Variants in KCNC2 observed in about 807,000 individuals in gnomAD.
KCNC2 encodes potassium voltage-gated channel subfamily C member 2.
Under a neutral mutation model 44.5 loss-of-function variants are expected in KCNC2, and 21 were observed. The observed-to-expected ratio is 0.47, with a 90% CI of 0.33 to 0.68. The LOEUF (loss-of-function observed/expected upper bound fraction) is 0.68, where lower values mean the gene tolerates loss of function less well. Among genes scored for constraint, KCNC2 ranks in the 30% least tolerant of loss-of-function variants. The probability of loss-of-function intolerance (pLI) is 0.01; values close to 1 mark genes in which losing one functional copy is unlikely to be tolerated. For synonymous variants in KCNC2, 391 were observed against 339.1 expected (o/e 1.15, Z -1.68); for missense variants, 589 against 826.2 (o/e 0.71, Z 3.52).
At position 75,042,499 on chromosome 12, in the gene KCNC2, A is replaced by C. The variant is rs1474011823; in HGVS notation, c.*606T>G. ...TTCAAATAATAAGAAAAAAATGTCA[A>C]GGAGAAAAGTGCCCTCCCTGCCCCA... On this transcript the variant is annotated 3_prime_UTR_variant, in exon 5 of 5. Transcript: ENST00000549446. 5 of 1,437,556 alleles carry C rather than the reference A, an allele frequency of 3.5e-6. No homozygotes were observed. The Admixed American group carries it at 1.3e-4, about 38-fold the overall frequency. 89.1% of individuals were successfully genotyped at this position (1,437,556 alleles called of 1,614,324 possible).
intron 2 of KCNC2, among the ~76,000 whole-genome samples, chr12:75,078,530 G>A (rs1172062298): frequency 6.6e-6 from 1 of 152,042 alleles, no homozygotes; most frequent in Non-Finnish European, 1.5e-5. Context: ...ACATTTATAG[G>A]GAGGCCTTAC....
intron 2 of KCNC2, among the ~76,000 whole-genome samples, chr12:75,091,325 T>C (rs986569784): frequency 7.2e-5 from 11 of 151,740 alleles, no homozygotes; most frequent in Non-Finnish European, 1.0e-4. Context: ...GTAGGACCAA[T>C]ATGTCATTGA....
intron 2 of KCNC2, among the ~76,000 whole-genome samples, chr12:75,190,727 T>C (rs1236644269): frequency 6.6e-6 from 1 of 152,128 alleles, no homozygotes; most frequent in Admixed American, 6.6e-5. Flanking sequence ...ATATATAGCA[T>C]ATTACAAAGA....
intron 2 of KCNC2, among the ~76,000 whole-genome samples, chr12:75,206,448 T>C (rs1192114821): frequency 1.3e-5 from 2 of 152,198 alleles, no homozygotes; most frequent in African/African-American, 2.4e-5. Flanking sequence ...AGGATTAAAG[T>C]TGAGCTGTCA....
In KCNC2 at chr12:75,198,619, A is replaced by AAAAATTAAT. The variant is rs2030977199; in HGVS notation, c.687+8677_687+8678insATTAATTTT. The stretch of plus-strand genomic sequence containing the variant: ...ACTTTTATCTAAAAATTAATACATC[A>AAAAATTAAT]ACATCGGTAAGGAAGTTTGTTACTG... On this transcript the variant is annotated intron_variant, in intron 2 of 4. Transcript: ENST00000549446. 5.3e-5 allele frequency among the ~76,000 whole-genome samples: 8 copies of AAAAATTAAT among 151,978 alleles called. No individual in the cohort carries two copies. The South Asian group carries it at 1.7e-3, about 31-fold the overall frequency.
intron 2 of KCNC2, among the ~76,000 whole-genome samples, chr12:75,067,892 C>CT (rs1488203895): frequency 1.3e-5 from 2 of 151,872 alleles, no homozygotes; most frequent in African/African-American, 2.4e-5. Flanking sequence ...AAAAAACATA[C>CT]TTTTTTTATG....
intron 2 of KCNC2, among the ~76,000 whole-genome samples, chr12:75,161,859 G>A (rs1891146446): frequency 1.3e-5 from 2 of 151,594 alleles, no homozygotes; most frequent in Non-Finnish European, 2.9e-5. Flanking sequence ...AAAAGCAACA[G>A]CAATTAAATA....
At chr12:75,051,948 C>G (rs951298840) in intron 2 of KCNC2, among the ~76,000 whole-genome samples, 1 of 151,714 alleles carries the variant, frequency 6.6e-6, no homozygotes, top group Non-Finnish European at 1.5e-5. Context: ...GGAGAAAAAC[C>G]CAGTAAAGGA....
chr12:75,198,764 A>C (rs2030990751), intron 2 of KCNC2, among the ~76,000 whole-genome samples: 1 of 151,794 alleles, frequency 6.6e-6, no homozygotes, highest in Non-Finnish European at 1.5e-5. Flanking sequence ...CCCATATCTG[A>C]ATTTCTATTC....
chr12:75,169,919 T>C (rs552174371), intron 2 of KCNC2, among the ~76,000 whole-genome samples: 44 of 151,792 alleles, frequency 2.9e-4, no homozygotes, highest in African/African-American at 9.4e-4. Context: ...AAGGACCTGA[T>C]TGCTTGTGAT....
intron 2 of KCNC2, among the ~76,000 whole-genome samples, chr12:75,153,819 G>A (rs1242898594): frequency 6.6e-6 from 1 of 151,830 alleles, no homozygotes; most frequent in South Asian, 2.1e-4. Flanking sequence ...TATTCACTAA[G>A]TGGAAGGGGA....
Position 75,084,269 on chromosome 12 carries a change from T to TAGATAGA in KCNC2, c.688-32953_688-32952insTCTATCT, listed in dbSNP as rs1555207730. Among the ~76,000 whole-genome samples, 444 of 120,616 alleles carry TAGATAGA rather than the reference T, an allele frequency of 3.7e-3. 11 individuals carry two copies. The highest frequency in any genetic ancestry group is 0.015 in the African/African-American group (418 of 27,414). 79.1% of individuals were successfully genotyped at this position (120,616 alleles called of 152,430 possible). On this transcript the variant is annotated intron_variant, in intron 2 of 4. Coordinates refer to ENST00000549446, the MANE Select transcript of KCNC2 (RefSeq NM_139137.4). ...TAGATGATGATGATAGATAGATAGATTAGATAGATAGATAGATAGATGATA... is the reference window on the plus strand; with the variant it reads ...TAGATGATGATGATAGATAGATAGATAGATAGATAGATAGATAGATAGATAGATGATA...
chr12:75,204,125 G>A (rs2031501241), intron 2 of KCNC2, among the ~76,000 whole-genome samples: 1 of 151,522 alleles, frequency 6.6e-6, no homozygotes, highest in Non-Finnish European at 1.5e-5. Flanking sequence ...TCCACAACAG[G>A]TTTCCATGAC....
intron 4 of KCNC2, chr12:75,043,909 T>C: frequency 1.4e-6 from 1 of 721,768 alleles, no homozygotes; most frequent in South Asian, 2.7e-5. Flanking sequence ...GATTACATGA[T>C]GTTTTCAGCT....
chr12:75,199,451 C>T (rs1196278911), intron 2 of KCNC2, among the ~76,000 whole-genome samples: 1 of 151,792 alleles, frequency 6.6e-6, no homozygotes, highest in Non-Finnish European at 1.5e-5. Flanking sequence ...TTTTGCCCAA[C>T]ATTACCCATA....
intron 2 of KCNC2, among the ~76,000 whole-genome samples, chr12:75,139,550 A>G (rs1217772215): frequency 1.3e-5 from 2 of 152,224 alleles, no homozygotes; most frequent in East Asian, 3.9e-4. Flanking sequence ...TTCAGTTCTA[A>G]CTGCTTTTCC....
At chr12:75,206,040 A>G (rs1354494161) in intron 2 of KCNC2, among the ~76,000 whole-genome samples, 2 of 152,162 alleles carry the variant, frequency 1.3e-5, no homozygotes, top group African/African-American at 2.4e-5. Flanking sequence ...TTCATATTCT[A>G]TTTCACACTG....
chr12:75,077,198 C>T (rs11180359), intron 2 of KCNC2, among the ~76,000 whole-genome samples: 62,605 of 151,982 alleles, frequency 0.41, 16,080 homozygotes, highest in Non-Finnish European at 0.58. Flanking sequence ...ATGTACACCA[C>T]GAGGACTAGC....
chr12:75,149,270 G>A (rs1890230884), intron 2 of KCNC2, among the ~76,000 whole-genome samples: 1 of 151,564 alleles, frequency 6.6e-6, no homozygotes, highest in Non-Finnish European at 1.5e-5. Context: ...ACCTCTTGTA[G>A]CAGTAATATT....
Sources: gnomAD v4.1 joint callset for allele counts (sites outside exome capture counted in the v4.1 genomes callset) on GRCh38, gnomAD v4.1.1 for gene constraint, MANE v1.5 for transcripts, NCBI Gene and HGNC (gene_info 2026-07-23, HGNC 2026-07-21) for gene names.